RBFOX1: variants seen among roughly 807,000 people sequenced by gnomAD.
RBFOX1 encodes RNA binding fox-1 homolog 1, also known as RNA binding protein fox-1 homolog 1.
RBFOX1 carries 8 observed loss-of-function variants against 57.7 expected under a neutral mutation model. That is an observed-to-expected ratio of 0.14 (90% CI 0.08 to 0.25). The LOEUF (loss-of-function observed/expected upper bound fraction) is 0.25. Ranked by LOEUF, RBFOX1 falls within the 10% of genes least tolerant of loss-of-function variation. RBFOX1 has a pLI of 1.00. For missense variants in RBFOX1, 611 were observed against 548.5 expected (o/e 1.11, Z -1.14); for synonymous variants, 326 against 222.4 (o/e 1.47, Z -4.15).
At chr16:6,830,917 T>G (rs1347983997) in intron 3 of RBFOX1, among the ~76,000 whole-genome samples, 1 of 152,196 alleles carries the variant, frequency 6.6e-6, no homozygotes. Context: ...CCAGGTAGAA[T>G]TGGTCATATA....
At chr16:6,451,980 C>T (rs990619193) in intron 2 of RBFOX1, among the ~76,000 whole-genome samples, 15 of 149,296 alleles carry the variant, frequency 1.0e-4, no homozygotes, top group African/African-American at 3.7e-4. Flanking sequence ...CCTTCCATGA[C>T]TCTATCCATG....
At chr16:5,929,098 G>A (rs1324158523) in intron 4 of RBFOX1, among the ~76,000 whole-genome samples, 1 of 151,992 alleles carries the variant, frequency 6.6e-6, no homozygotes, top group Non-Finnish European at 1.5e-5. Flanking sequence ...GACTGGCTTG[G>A]GTGATTGAAA....
chr16:5,837,470 C>T (rs926553599), intron 3 of RBFOX1, among the ~76,000 whole-genome samples: 6 of 152,046 alleles, frequency 3.9e-5, no homozygotes, highest in South Asian at 2.1e-4. Flanking sequence ...AGAATTGCAA[C>T]GACTCTCAGC....
rs923040625 is a variant in RBFOX1 at position 6,882,876 on chromosome 16, G to A, written c.-15-169181G>A. 2.0e-5 allele frequency among the ~76,000 whole-genome samples: 3 copies of A among 152,062 alleles called. No individual in the cohort carries two copies. In the East Asian group the frequency reaches 5.8e-4, roughly 29 times the overall value. ...CCCAGGAGTGAACAACCATCTTCCT[G>A]CTCTGTTCCTATTTTCCATTATACT... On this transcript the variant is annotated intron_variant, in intron 3 of 15. Coordinates refer to ENST00000550418, the MANE Select transcript of RBFOX1 (RefSeq NM_018723.4).
At chr16:5,668,534 T>C (rs2049919922) in intron 3 of RBFOX1, among the ~76,000 whole-genome samples, 1 of 152,168 alleles carries the variant, frequency 6.6e-6, no homozygotes, top group Non-Finnish European at 1.5e-5. Flanking sequence ...TTTGGGAGCA[T>C]TAACAGGGTG....
chr16:6,835,613 C>T (rs2093036376), intron 3 of RBFOX1, among the ~76,000 whole-genome samples: 1 of 151,640 alleles, frequency 6.6e-6, no homozygotes, highest in Admixed American at 6.6e-5. Context: ...AGTAGCTGGG[C>T]ATGGTGGTGC....
At chr16:7,393,213 G>C (rs1285417333) in intron 4 of RBFOX1, among the ~76,000 whole-genome samples, 1 of 152,070 alleles carries the variant, frequency 6.6e-6, no homozygotes, top group Non-Finnish European at 1.5e-5. Flanking sequence ...TATAGTCAAT[G>C]GTTCTGAGAT....
At chr16:6,641,778 A>T (rs71386440) in intron 2 of RBFOX1, among the ~76,000 whole-genome samples, 1 of 31,802 alleles carries the variant, frequency 3.1e-5, no homozygotes, top group Non-Finnish European at 5.8e-5. Flanking sequence ...AAAAAAAAAA[A>T]TAGGTTCTGC....
chr16:7,366,374 C>G (rs1327698867), intron 4 of RBFOX1, among the ~76,000 whole-genome samples: 1 of 152,188 alleles, frequency 6.6e-6, no homozygotes, highest in Non-Finnish European at 1.5e-5. Context: ...GAAGGCTGTG[C>G]ATGTTTCCAG....
At chr16:7,308,206 T>A (rs2096236649) in intron 4 of RBFOX1, among the ~76,000 whole-genome samples, 2 of 151,916 alleles carry the variant, frequency 1.3e-5, no homozygotes, top group Non-Finnish European at 2.9e-5. Context: ...ATAGCACCCA[T>A]CTCATGGTAA....
chr16:7,210,222 T>A (rs2090854764), intron 4 of RBFOX1, among the ~76,000 whole-genome samples: 1 of 152,158 alleles, frequency 6.6e-6, no homozygotes, highest in African/African-American at 2.4e-5. Flanking sequence ...TTCTATAGGT[T>A]AAGAGATTTA....
intron 14 of RBFOX1, among the ~76,000 whole-genome samples, chr16:7,696,906 A>T (rs900033910): frequency 6.6e-6 from 1 of 152,154 alleles, no homozygotes; most frequent in Non-Finnish European, 1.5e-5. Flanking sequence ...TGGTTGAGAC[A>T]TACTTGAGGT....
rs1327739241 is a variant in RBFOX1 at position 6,914,086 on chromosome 16, C to G, written c.-15-137971C>G. Among the ~76,000 whole-genome samples the G allele has an allele frequency of 4.6e-5, 7 of 152,184 alleles. No individual in the cohort carries two copies. The East Asian group carries it at 1.2e-3, about 25-fold the overall frequency. On this transcript the variant is annotated intron_variant, in intron 3 of 15. Coordinates refer to ENST00000550418, the MANE Select transcript of RBFOX1 (RefSeq NM_018723.4). The stretch of plus-strand genomic sequence containing the variant: ...ACCCATCTTTTGTTTTATGTCTAAT[C>G]TATCCAGTGCTAAAACATTTGGAAT...
At chr16:7,259,676 A>C (rs1176783364) in intron 4 of RBFOX1, among the ~76,000 whole-genome samples, 2 of 152,206 alleles carry the variant, frequency 1.3e-5, no homozygotes, top group African/African-American at 4.8e-5. Flanking sequence ...CACTAACTTG[A>C]GAGGTGACTG....
At chr16:6,587,635 C>T (rs529369126) in intron 2 of RBFOX1, among the ~76,000 whole-genome samples, 5 of 152,032 alleles carry the variant, frequency 3.3e-5, no homozygotes, top group Non-Finnish European at 7.4e-5. Flanking sequence ...TAGACCATGA[C>T]AGACAAGTAA....
downstream of RBFOX1, chr16:5,601,709 G>A (rs1009363184): frequency 2.6e-5 from 4 of 152,216 alleles, no homozygotes; most frequent in African/African-American, 9.6e-5. Context: ...TGCAGATGGG[G>A]AAATGAGGCG....
intron 2 of RBFOX1, among the ~76,000 whole-genome samples, chr16:5,533,618 A>G (rs1258424550): frequency 2.0e-5 from 3 of 152,132 alleles, no homozygotes; most frequent in Non-Finnish European, 2.9e-5. Context: ...CATGGATGAG[A>G]TATTATCACT....
chr16:6,995,768 T>C (rs934898911), intron 3 of RBFOX1, among the ~76,000 whole-genome samples: 1 of 151,710 alleles, frequency 6.6e-6, no homozygotes, highest in Non-Finnish European at 1.5e-5. Flanking sequence ...CTTAAAAAAA[T>C]AATAATAAAA....
chr16:7,673,312 A>T (rs2146230920), intron 13 of RBFOX1, among the ~76,000 whole-genome samples: 1 of 152,352 alleles, frequency 6.6e-6, no homozygotes, highest in African/African-American at 2.4e-5. Flanking sequence ...TTCCACAAAC[A>T]GAGTAACCAG....
Sources: gnomAD v4.1 joint callset for allele counts (sites outside exome capture counted in the v4.1 genomes callset) on GRCh38, gnomAD v4.1.1 for gene constraint, MANE v1.5 for transcripts, NCBI Gene and HGNC (gene_info 2026-07-23, HGNC 2026-07-21) for gene names.